LRRTM4: variants seen among roughly 807,000 people sequenced by gnomAD.
LRRTM4 encodes the protein leucine rich repeat transmembrane neuronal 4, also known as leucine-rich repeat transmembrane neuronal protein 4.
In LRRTM4, 25 loss-of-function variants were observed where a neutral mutation model predicts 47.6. The ratio of observed to expected loss-of-function variants is 0.53; its 90% confidence interval spans 0.38 to 0.73. The LOEUF (loss-of-function observed/expected upper bound fraction) is 0.73. Ranked by LOEUF, LRRTM4 falls within the 30% of genes least tolerant of loss-of-function variation. The pLI is 0.00. For missense variants in LRRTM4, 638 were observed against 713.4 expected, an observed-to-expected ratio of 0.89 and a Z score of 1.20; for synonymous variants, 311 against 269.5, an observed-to-expected ratio of 1.15 and a Z score of -1.51.
intron 3 of LRRTM4, among the ~76,000 whole-genome samples, chr2:76,847,527 G>T (rs759839516): frequency 2.0e-4 from 31 of 151,946 alleles, no homozygotes; most frequent in Admixed American, 3.9e-4. Context: ...AATCAAAGAC[G>T]TATGGCCAGC....
intron 3 of LRRTM4, among the ~76,000 whole-genome samples, chr2:76,837,764 T>G (rs997622933): frequency 3.3e-5 from 5 of 152,196 alleles, no homozygotes; most frequent in Admixed American, 1.3e-4. Flanking sequence ...CCACAAAAAA[T>G]TATGAGTTCA....
chr2:77,013,389 C>T (rs569835470), intron 3 of LRRTM4, among the ~76,000 whole-genome samples: 14 of 152,114 alleles, frequency 9.2e-5, no homozygotes, highest in Non-Finnish European at 1.8e-4. Context: ...TACTGTGGAG[C>T]AACTTTACCC....
intron 3 of LRRTM4, among the ~76,000 whole-genome samples, chr2:77,406,079 A>G (rs1456562804): frequency 1.3e-5 from 2 of 152,094 alleles, no homozygotes; most frequent in African/African-American, 4.8e-5. Flanking sequence ...CAATATCCTC[A>G]GTCATGTTTT....
chr2:77,185,573 A>G (rs1673479737), intron 3 of LRRTM4, among the ~76,000 whole-genome samples: 1 of 152,144 alleles, frequency 6.6e-6, no homozygotes, highest in East Asian at 1.9e-4. Flanking sequence ...CTGTGTGCAT[A>G]TTTGGAATAA....
intron 3 of LRRTM4, among the ~76,000 whole-genome samples, chr2:77,362,084 T>C: frequency 9.6e-6 from 1 of 104,132 alleles, no homozygotes. Flanking sequence ...CTAGACTCAG[T>C]CTCAAAAAAG....
chr2:77,493,139 G>T (rs1678234265), intron 3 of LRRTM4, among the ~76,000 whole-genome samples: 1 of 151,982 alleles, frequency 6.6e-6, no homozygotes, highest in African/African-American at 2.4e-5. Flanking sequence ...TTCATGGCAT[G>T]TACTTAACAC....
intron 3 of LRRTM4, among the ~76,000 whole-genome samples, chr2:76,905,410 C>T (rs548154698): frequency 2.0e-5 from 3 of 152,246 alleles, no homozygotes; most frequent in African/African-American, 7.2e-5. Flanking sequence ...AAAAACAGAG[C>T]AGAAATACTG....
At chr2:76,996,918 A>G (rs763922245) in intron 3 of LRRTM4, among the ~76,000 whole-genome samples, 2 of 152,150 alleles carry the variant, frequency 1.3e-5, no homozygotes, top group African/African-American at 4.8e-5. Flanking sequence ...CAATGTTTCT[A>G]TACATACAGG....
intron 3 of LRRTM4, among the ~76,000 whole-genome samples, chr2:76,905,815 G>A (rs1170885506): frequency 2.0e-5 from 3 of 152,082 alleles, no homozygotes; most frequent in South Asian, 2.1e-4. Flanking sequence ...AAAAAGAAAC[G>A]AACAAAGCCT....
intron 3 of LRRTM4, among the ~76,000 whole-genome samples, chr2:77,217,282 T>A (rs1361898629): frequency 6.6e-6 from 1 of 150,418 alleles, no homozygotes; most frequent in Non-Finnish European, 1.5e-5. Context: ...ATTTTGAGGT[T>A]AACCTACTAG....
At position 77,073,965 on chromosome 2, in the gene LRRTM4, C is replaced by T. The variant is rs143998446; in HGVS notation, c.1552-325049G>A. 5.3e-4 allele frequency among the ~76,000 whole-genome samples: 80 copies of T among 152,088 alleles called. 1 individual carries two copies. The highest frequency in any genetic ancestry group is 1.6e-3 in the African/African-American group (68 of 41,510). On this transcript the variant is annotated intron_variant, in intron 3 of 3. Transcript: ENST00000409884. ...TTACCATTTATCTTTATGAGAAATGCACTCTTCGTTAGTTCTACATGGTTC... is the reference window on the plus strand; with the variant it reads ...TTACCATTTATCTTTATGAGAAATGTACTCTTCGTTAGTTCTACATGGTTC...
At chr2:77,023,665 G>C (rs1400638750) in intron 3 of LRRTM4, among the ~76,000 whole-genome samples, 1 of 152,124 alleles carries the variant, frequency 6.6e-6, no homozygotes, top group Admixed American at 6.5e-5. Context: ...AACATAACAA[G>C]AGTCACCTTT....
intron 3 of LRRTM4, among the ~76,000 whole-genome samples, chr2:76,784,964 T>G (rs1250324526): frequency 6.6e-6 from 1 of 152,134 alleles, no homozygotes; most frequent in East Asian, 1.9e-4. Context: ...CACTTCAGAA[T>G]GTATCACACC....
rs192742017 is a variant in LRRTM4 at position 77,081,617 on chromosome 2, A to C, written c.1552-332701T>G. 2.9e-4 allele frequency among the ~76,000 whole-genome samples: 41 copies of C among 142,980 alleles called. No individual in the cohort carries two copies. The East Asian group carries it at 8.6e-3, about 30-fold the overall frequency. 93.8% of individuals were successfully genotyped at this position (142,980 alleles called of 152,430 possible). A position where few individuals can be genotyped will look rare whatever the true frequency, so the allele number is the denominator to read the frequency against. On this transcript the variant is annotated intron_variant, in intron 3 of 3. Coordinates refer to ENST00000409884, the MANE Select transcript of LRRTM4 (RefSeq NM_001134745.3). ...ATTGTACATAGGTGACTTTCTTCCC[A>C]AAAAATGGCAAGTATATTGTCAAGT... is the stretch of plus-strand genomic sequence containing the variant.
intron 3 of LRRTM4, among the ~76,000 whole-genome samples, chr2:76,873,504 G>GTATATATATATATATATATATATA (rs1371189658): frequency 5.5e-5 from 4 of 73,204 alleles, no homozygotes; most frequent in Admixed American, 1.9e-4. Context: ...ATATATATGT[G>GTATATATATATATATATATATATA]TGTATATATA....
intron 3 of LRRTM4, among the ~76,000 whole-genome samples, chr2:76,790,706 C>CA (rs1338574968): frequency 2.0e-5 from 3 of 151,748 alleles, no homozygotes; most frequent in Non-Finnish European, 4.4e-5. Context: ...TAGACCCCCC[C>CA]CCACCACCTC....
chr2:77,130,764 G>T (rs1040788073), intron 3 of LRRTM4, among the ~76,000 whole-genome samples: 1 of 147,854 alleles, frequency 6.8e-6, no homozygotes, highest in African/African-American at 2.5e-5. Context: ...GCCCACCTCG[G>T]CCTCCCAAAG....
At chr2:76,902,609 G>A (rs1673678068) in intron 3 of LRRTM4, among the ~76,000 whole-genome samples, 2 of 152,160 alleles carry the variant, frequency 1.3e-5, no homozygotes, top group African/African-American at 2.4e-5. Context: ...ACCAGAGGCT[G>A]TAATGGGGTG....
chr2:76,853,252 G>T (rs1314571192), intron 3 of LRRTM4, among the ~76,000 whole-genome samples: 1 of 152,106 alleles, frequency 6.6e-6, no homozygotes, highest in East Asian at 1.9e-4. Flanking sequence ...TGAAGAAAGT[G>T]AGGTAAAAAT....
Sources: gnomAD v4.1 joint callset for allele counts (sites outside exome capture counted in the v4.1 genomes callset) on GRCh38, gnomAD v4.1.1 for gene constraint, MANE v1.5 for transcripts, NCBI Gene and HGNC (gene_info 2026-07-23, HGNC 2026-07-21) for gene names.